Variants in SMG6 observed in about 807,000 individuals in gnomAD.
SMG6 encodes the protein SMG6 nonsense mediated mRNA decay factor, also known as telomerase-binding protein EST1A.
A neutral mutation model predicts 142.2 loss-of-function variants in SMG6; 66 were observed. The observed-to-expected ratio is 0.46, with a 90% CI of 0.38 to 0.57. The LOEUF (loss-of-function observed/expected upper bound fraction) is 0.57, where lower values mean the gene tolerates loss of function less well. SMG6 is among the 20% of genes least tolerant of loss of function. The pLI, the probability that SMG6 is intolerant of heterozygous loss-of-function variation, is 0.00. For missense variants in SMG6, 1,793 were observed against 1,832.0 expected, an observed-to-expected ratio of 0.98 and a Z score of 0.39; for synonymous variants, 779 against 702.4, an observed-to-expected ratio of 1.11 and a Z score of -1.72.
intron 13 of SMG6, among the ~76,000 whole-genome samples, chr17:2,162,780 T>C (rs183412426): frequency 1.3e-5 from 2 of 152,290 alleles, no homozygotes; most frequent in East Asian, 1.9e-4. Flanking sequence ...ACAGTAGTTA[T>C]CTCTGGGTAG....
At chr17:2,261,468 T>G (rs1161105427) in intron 8 of SMG6, among the ~76,000 whole-genome samples, 2 of 152,252 alleles carry the variant, frequency 1.3e-5, no homozygotes, top group Admixed American at 6.5e-5. Flanking sequence ...TTCTTTTAAC[T>G]CTGCAATAAT....
chr17:2,291,539 G>A (rs887605165), intron 6 of SMG6, among the ~76,000 whole-genome samples: 3 of 152,032 alleles, frequency 2.0e-5, no homozygotes, highest in Non-Finnish European at 2.9e-5. Context: ...GGCAAAAACC[G>A]GAGAGAGATC....
At chr17:2,294,006 G>A (rs2075095235) in intron 4 of SMG6, among the ~76,000 whole-genome samples, 1 of 151,940 alleles carries the variant, frequency 6.6e-6, no homozygotes, top group Non-Finnish European at 1.5e-5. Context: ...TCTCCCTAGG[G>A]AACACCACCT....
At position 2,299,215 on chromosome 17, in the gene SMG6, G is replaced by C; in HGVS notation, c.1538C>G (p.Thr513Arg). Residue 513 changes from threonine to arginine, a missense_variant, in exon 2 of 19, where the codon ACA becomes AGA. Thr to Arg is a moderately conservative substitution (Grantham distance 71). Coordinates refer to ENST00000263073, the MANE Select transcript of SMG6 (RefSeq NM_017575.5). This position sits in a 1 kb window ranked among gnomAD's most constrained non-coding sequence, Gnocchi z 4.3. ...NSDNPYYYPR[T>R]PGPASQYPYT... ...GGGATACTGGGAGGCAGGGCCTGGT[G>C]TCCGGGGGTAATAATAGGGGTTGTC... 6.2e-7 allele frequency: 1 copy of C among 1,613,900 alleles called. No individual in the cohort carries two copies.
chr17:2,092,765 G>T (rs1004785322), intron 13 of SMG6, among the ~76,000 whole-genome samples: 1 of 152,238 alleles, frequency 6.6e-6, no homozygotes, highest in Non-Finnish European at 1.5e-5. Context: ...CAATACAGGA[G>T]GTTGGACAAG....
At chr17:2,246,267 G>C (rs975115513) in intron 8 of SMG6, among the ~76,000 whole-genome samples, 5 of 152,200 alleles carry the variant, frequency 3.3e-5, no homozygotes, top group African/African-American at 1.2e-4. Flanking sequence ...CCTAGAAGCA[G>C]TATATTCAGG....
chr17:2,099,011 CTAAG>C lies in SMG6; in HGVS notation c.3358-13114_3358-13111del, dbSNP rs147848693. 3.7e-3 allele frequency among the ~76,000 whole-genome samples: 570 copies of C among 152,152 alleles called. 21 individuals are homozygous for C. The highest frequency in any genetic ancestry group is 0.036 in the East Asian group (189 of 5,184). ...CATTAATCTGTCGTGTTTTTTTCTC[CTAAG>C]TAAGATTCTTGAGGGGAGGCACTAG... On this transcript the variant is annotated intron_variant, in intron 13 of 18. Coordinates refer to ENST00000263073, the MANE Select transcript of SMG6 (RefSeq NM_017575.5).
Position 2,297,930 on chromosome 17 carries a change from A to G in SMG6, c.1973T>C (p.Leu658Pro). Residue 658 changes from leucine to proline, a missense_variant, in exon 3 of 19, where the codon CTT becomes CCT. Transcript: ENST00000263073. ...GTTCTCAACATTCGGATCCTTGACA[A>G]GTTGCCTGAACTTCTCAATCACCTG... ...FYQVIEKFRQ[L>P]VKDPNVENPE... 2 of 1,613,380 alleles carry G rather than the reference A, an allele frequency of 1.2e-6. No individual in the cohort carries two copies. Among genetic ancestry groups the G allele is most frequent in the Non-Finnish European group, 1.7e-6 (2 of 1,180,018 alleles).
At position 2,151,996 on chromosome 17, in the gene SMG6, T is replaced by C. The variant is rs528146856; in HGVS notation, c.3357+20662A>G. 7.2e-5 allele frequency among the ~76,000 whole-genome samples: 11 copies of C among 152,310 alleles called. No individual in the cohort carries two copies. The East Asian group carries it at 1.4e-3, about 19-fold the overall frequency. ...CTCCTTGGAGGCTATCACTTTAGAA[T>C]TGGGAATGATTACTTATCAAAAAAC... On this transcript the variant is annotated intron_variant, in intron 13 of 18. Coordinates refer to ENST00000263073, the MANE Select transcript of SMG6 (RefSeq NM_017575.5).
At chr17:2,103,728 A>T (rs2069075279) in intron 13 of SMG6, among the ~76,000 whole-genome samples, 1 of 152,106 alleles carries the variant, frequency 6.6e-6, no homozygotes, top group Non-Finnish European at 1.5e-5. Context: ...TGTAGCTCCC[A>T]TTGGGCCACT....
intron 10 of SMG6, among the ~76,000 whole-genome samples, chr17:2,218,245 T>TA (rs961137972): frequency 4.0e-5 from 6 of 151,470 alleles, no homozygotes; most frequent in African/African-American, 1.5e-4. Context: ...CATTCGTTAG[T>TA]AAAAAAATAA....
At chr17:2,229,424 T>C (rs1221361667) in intron 10 of SMG6, 2 of 152,260 alleles carry the variant, frequency 1.3e-5, no homozygotes, top group African/African-American at 4.8e-5. Flanking sequence ...CCTTGCACTG[T>C]CTAGCTGCCC....
intron 8 of SMG6, among the ~76,000 whole-genome samples, chr17:2,266,958 A>G (rs2074434767): frequency 6.6e-6 from 1 of 152,112 alleles, no homozygotes; most frequent in Non-Finnish European, 1.5e-5. Flanking sequence ...GATCCCACTA[A>G]GCTGTTTCTC....
chr17:2,202,380 C>T (rs2072555691), intron 10 of SMG6, among the ~76,000 whole-genome samples: 2 of 152,084 alleles, frequency 1.3e-5, no homozygotes, highest in South Asian at 4.1e-4. Flanking sequence ...GAGACCCTAC[C>T]TCTAGCAGAA....
At chr17:2,164,169 C>A (rs1476993577) in intron 13 of SMG6, among the ~76,000 whole-genome samples, 1 of 151,796 alleles carries the variant, frequency 6.6e-6, no homozygotes, top group Non-Finnish European at 1.5e-5. Context: ...GTAATCCCAG[C>A]ACTTTGGGAG....
At chr17:2,292,244 A>G (rs2075054033) in intron 6 of SMG6, among the ~76,000 whole-genome samples, 1 of 152,254 alleles carries the variant, frequency 6.6e-6, no homozygotes, top group Admixed American at 6.5e-5. Context: ...GAAAGGGAAG[A>G]GAATCAAGAC....
rs1428343904 is a variant in SMG6 at position 2,061,556 on chromosome 17, G to A, written c.4196C>T (p.Ala1399Val). ...LTDDRNLRVK[A>V]LTRNVPVRDI... ...CCGTACAGGAACATTCCTTGTGAGC[G>A]CCTTCACACGCAGGTTCCGGTCATC... The change falls in exon 19 of 19, where the codon GCG becomes GTG. Residue 1399 changes from alanine to valine, a missense_variant. This residue lies in a region of SMG6 where 179 missense variants were observed against 212.6 expected (regional missense o/e 0.84). Transcript: ENST00000263073. The A allele has an allele frequency of 6.4e-7, 1 of 1,572,306 alleles. No homozygotes were observed. The highest frequency in any genetic ancestry group is 1.2e-5 in the South Asian group (1 of 85,820).
At position 2,299,587 on chromosome 17, in the gene SMG6, G is replaced by C; in HGVS notation, c.1166C>G (p.Ser389Cys). The C allele has an allele frequency of 6.2e-7, 1 of 1,614,182 alleles. No individual in the cohort carries two copies. Among genetic ancestry groups the C allele is most frequent in the Non-Finnish European group, 8.5e-7 (1 of 1,180,030 alleles). The part of the protein sequence containing the change: ...DKGLSSGGKG[S>C]EKQESKNPKQ... ...CGGGTTTTTGGACTCCTGCTTCTCA[G>C]AGCCTTTGCCCCCACTGCTCAAGCC... Residue 389 changes from serine to cysteine, a missense_variant, in exon 2 of 19, where the codon TCT becomes TGT. This residue lies in a region of SMG6 where 1,597 missense variants were observed against 1,584.6 expected (regional missense o/e 1.01). Transcript: ENST00000263073. This position sits in a 1 kb window ranked among gnomAD's most constrained non-coding sequence, Gnocchi z 4.3.
chr17:2,061,722 C>T, intron 18 of SMG6, 100 bp from the exon 19 acceptor site: 1 of 1,352,184 alleles, frequency 7.4e-7, no homozygotes. Flanking sequence ...GAGGGGGTGC[C>T]ACGCTAGCCG....
Sources: allele counts gnomAD v4.1 joint callset (sites outside exome capture counted in the v4.1 genomes callset), GRCh38; gene constraint gnomAD v4.1.1; regional missense constraint gnomAD v4.1.1; non-coding constraint Gnocchi (gnomAD v3.1); transcripts MANE v1.5; gene names NCBI Gene and HGNC (gene_info 2026-07-23, HGNC 2026-07-21).